SPICE1: variants seen among roughly 807,000 people sequenced by gnomAD.
The protein encoded by SPICE1 is spindle and centriole associated protein 1.
Under a neutral mutation model 102.7 loss-of-function variants are expected in SPICE1, and 75 were observed. That is an observed-to-expected ratio of 0.73 (90% CI 0.61 to 0.88). The LOEUF is 0.88. Among genes scored for constraint, SPICE1 ranks in the 40% least tolerant of loss-of-function variants. The pLI is 0.00. For synonymous variants in SPICE1, 308 were observed against 350.3 expected, an observed-to-expected ratio of 0.88 and a Z score of 1.35; for missense variants, 979 against 1,020.1, an observed-to-expected ratio of 0.96 and a Z score of 0.55.
chr3:113,446,497 A>G (rs1935516064), intron 17 of SPICE1, 92 bp downstream of exon 17: 1 of 931,108 alleles, frequency 1.1e-6, no homozygotes, highest in Non-Finnish European at 1.7e-6. Flanking sequence ...CTTTAGGATA[A>G]CAGGAATGAT....
In SPICE1 at chr3:113,471,310, A is replaced by T. The variant is rs565935231; in HGVS notation, c.612-2072T>A. Among the ~76,000 whole-genome samples, 703 of 152,258 alleles carry T rather than the reference A, an allele frequency of 4.6e-3. 6 individuals are homozygous for T. Among genetic ancestry groups the T allele is most frequent in the African/African-American group, 0.016 (664 of 41,548 alleles). ...TGCAATCACATATTTTTTAAAAAAA[A>T]TTTTTCATATTTCATGTACATTCTT... On this transcript the variant is annotated intron_variant, in intron 7 of 17. Transcript: ENST00000295872.
chr3:113,512,436 G>T (rs1470258187), intron 1 of SPICE1, among the ~76,000 whole-genome samples: 44 of 131,642 alleles, frequency 3.3e-4, no homozygotes, highest in African/African-American at 1.2e-3. Context: ...TTGAGACGGA[G>T]TCTTGCTCTG....
In SPICE1 at chr3:113,466,204, T is replaced by C. The variant is rs575967656; in HGVS notation, c.1156-420A>G. On this transcript the variant is annotated intron_variant, in intron 10 of 17. Transcript: ENST00000295872. ...CTGCTGTTATCTTTGAATTTCATAATATGTGACTATATTGCCAATTCAAAA... is the reference window on the plus strand; with the variant it reads ...CTGCTGTTATCTTTGAATTTCATAACATGTGACTATATTGCCAATTCAAAA... 5.3e-5 allele frequency among the ~76,000 whole-genome samples: 8 copies of C among 152,340 alleles called. No individual in the cohort carries two copies. In the East Asian group the frequency reaches 1.5e-3, roughly 29 times the overall value.
intron 3 of SPICE1, among the ~76,000 whole-genome samples, chr3:113,499,910 AT>A: frequency 6.6e-6 from 1 of 152,328 alleles, no homozygotes; most frequent in Admixed American, 6.5e-5. Flanking sequence ...GATAAAATCA[AT>A]TCATGGGTCA....
intron 14 of SPICE1, among the ~76,000 whole-genome samples, chr3:113,452,528 A>C (rs1013295439): frequency 6.6e-6 from 1 of 152,126 alleles, no homozygotes; most frequent in African/African-American, 2.4e-5. Context: ...TACAAAAAAT[A>C]CAAAAATTCA....
At chr3:113,495,388 A>C (rs1212891928) in intron 4 of SPICE1, among the ~76,000 whole-genome samples, 1 of 152,256 alleles carries the variant, frequency 6.6e-6, no homozygotes, top group Non-Finnish European at 1.5e-5. Flanking sequence ...GAAAAATAGC[A>C]AGAGTCACAT....
chr3:113,506,624 T>A lies in SPICE1; in HGVS notation c.1-19A>T. 6.3e-7 allele frequency: 1 copy of A among 1,592,074 alleles called. No homozygotes were observed. Among genetic ancestry groups the A allele is most frequent in the South Asian group, 1.1e-5 (1 of 89,892 alleles). On this transcript the variant is annotated intron_variant, in intron 1 of 17. Transcript: ENST00000295872. ...ATGACATCTAGGAATAATAATCACATCAAATTTTTAAAATACAAGAAAAAA... is the reference window on the plus strand; with the variant it reads ...ATGACATCTAGGAATAATAATCACAACAAATTTTTAAAATACAAGAAAAAA...
Position 113,457,329 on chromosome 3 carries a change from T to C in SPICE1, c.1464A>G (p.Ser488=). The change falls in exon 13 of 18, where the codon TCA becomes TCG. Residue 488 remains serine (S), a synonymous_variant. Transcript: ENST00000295872. The part of the protein sequence containing the change: ...PERPVVNANV[S]VPLMFREEVA... ...CTTCCTCTCTGAACATCAATGGCAC[T>C]GAGACATTGGCATTTACAACTGGAC... The C allele has an allele frequency of 1.2e-6, 2 of 1,614,212 alleles. No homozygotes were observed. The highest frequency in any genetic ancestry group is 1.7e-6 in the Non-Finnish European group (2 of 1,180,024).
chr3:113,473,599 T>C (rs550267644), intron 7 of SPICE1, among the ~76,000 whole-genome samples: 23 of 152,138 alleles, frequency 1.5e-4, no homozygotes, highest in African/African-American at 4.6e-4. Context: ...CGGCAGAAAC[T>C]CTACAAGCCA....
chr3:113,474,206 G>C (rs1171925256), intron 7 of SPICE1, among the ~76,000 whole-genome samples: 1 of 151,802 alleles, frequency 6.6e-6, no homozygotes, highest in East Asian at 1.9e-4. Context: ...TTACATAATG[G>C]TAAAGGGATC....
chr3:113,468,743 G>A lies in SPICE1; in HGVS notation c.889+19C>T. On this transcript the variant is annotated intron_variant, in intron 9 of 17. Coordinates refer to ENST00000295872, the MANE Select transcript of SPICE1 (RefSeq NM_144718.4). The stretch of plus-strand genomic sequence containing the variant: ...AGTTACATGTTTAATATTCATCTTT[G>A]TAAATTAAGGGACTGAACCTTTATT... The A allele has an allele frequency of 6.2e-7, 1 of 1,602,378 alleles. No individual in the cohort carries two copies. Among genetic ancestry groups the A allele is most frequent in the Non-Finnish European group, 8.5e-7 (1 of 1,176,430 alleles).
chr3:113,501,135 A>G (rs1266833855), intron 3 of SPICE1, among the ~76,000 whole-genome samples: 1 of 152,220 alleles, frequency 6.6e-6, no homozygotes, highest in East Asian at 1.9e-4. Flanking sequence ...TTTTTCAACA[A>G]GAGTTCCAAG....
At chr3:113,454,290 A>G (rs1390225318) in intron 13 of SPICE1, among the ~76,000 whole-genome samples, 1 of 152,202 alleles carries the variant, frequency 6.6e-6, no homozygotes, top group Non-Finnish European at 1.5e-5. Context: ...ATAACCAGGA[A>G]AGGCCTCTCT....
At chr3:113,479,545 C>A (rs1046955940) in intron 7 of SPICE1, among the ~76,000 whole-genome samples, 7 of 152,046 alleles carry the variant, frequency 4.6e-5, no homozygotes, top group Non-Finnish European at 7.4e-5. Flanking sequence ...CCTGAGGAAT[C>A]GCCACACTGA....
intron 7 of SPICE1, among the ~76,000 whole-genome samples, chr3:113,471,571 T>C (rs1270883431): frequency 6.6e-6 from 1 of 152,178 alleles, no homozygotes; most frequent in Non-Finnish European, 1.5e-5. Context: ...AGAAATCAAG[T>C]TCTGTTGTTT....
chr3:113,459,357 A>G (rs1399226850), intron 12 of SPICE1: 2 of 584,082 alleles, frequency 3.4e-6, no homozygotes, highest in Non-Finnish European at 4.3e-6. Context: ...TCCCTCCACT[A>G]TTGTCCTACG....
intron 7 of SPICE1, among the ~76,000 whole-genome samples, chr3:113,477,675 C>T (rs1399969672): frequency 1.3e-5 from 2 of 151,334 alleles, no homozygotes. Flanking sequence ...TCTCAGTAAA[C>T]TATTGCAAGG....
chr3:113,466,868 G>A (rs116924516), intron 10 of SPICE1, among the ~76,000 whole-genome samples: 3,918 of 152,220 alleles, frequency 0.026, 64 homozygotes, highest in East Asian at 0.054. Flanking sequence ...GCAACATAGT[G>A]AGACTCTGTC....
At chr3:113,485,177 T>TG (rs1559969828) in intron 7 of SPICE1, among the ~76,000 whole-genome samples, 1 of 125,468 alleles carries the variant, frequency 8.0e-6, no homozygotes. Context: ...GTTTTGTTTG[T>TG]TTTTTTTTTT....
Sources: allele counts gnomAD v4.1 joint callset (sites outside exome capture counted in the v4.1 genomes callset), GRCh38; gene constraint gnomAD v4.1.1; transcripts MANE v1.5; gene names NCBI Gene and HGNC (gene_info 2026-07-23, HGNC 2026-07-21).